The following GMDS variants were observed in gnomAD, a reference collection of about 807,000 sequenced individuals.
GMDS encodes the protein GDP-mannose 4,6 dehydratase.
A neutral mutation model predicts 49.9 loss-of-function variants in GMDS; 20 were observed. The observed-to-expected ratio is 0.40, with a 90% CI of 0.28 to 0.58. GMDS has a LOEUF of 0.58. Ranked by LOEUF, GMDS falls within the 20% of genes least tolerant of loss-of-function variation. The pLI is 0.42. For missense variants in GMDS, 362 were observed against 481.4 expected, an observed-to-expected ratio of 0.75 and a Z score of 2.32; for synonymous variants, 177 against 178.6, an observed-to-expected ratio of 0.99 and a Z score of 0.07.
intron 7 of GMDS, among the ~76,000 whole-genome samples, chr6:1,883,236 C>A (rs571434419): frequency 6.6e-6 from 1 of 151,952 alleles, no homozygotes; most frequent in African/African-American, 2.4e-5. Context: ...ACTAAAAATA[C>A]AAAAATTAGC....
intron 1 of GMDS, among the ~76,000 whole-genome samples, chr6:2,147,473 T>C (rs1776618446): frequency 6.6e-6 from 1 of 152,160 alleles, no homozygotes; most frequent in Non-Finnish European, 1.5e-5. Context: ...TCCAAAAGGA[T>C]ATTTTGATAA....
In GMDS at chr6:1,737,487, C is replaced by CCA. The variant is rs1250404858; in HGVS notation, c.890+4979_890+4980dup. On this transcript the variant is annotated intron_variant, in intron 8 of 10. Transcript: ENST00000380815. ...AAGAGCCCCAACAATGCAATGTGCT[C>CCA]CACACACACACAAACACACACACAC... 3.3e-5 allele frequency among the ~76,000 whole-genome samples: 5 copies of CCA among 151,116 alleles called. No individual in the cohort carries two copies. The South Asian group carries it at 1.0e-3, about 32-fold the overall frequency.
At chr6:2,035,042 A>G (rs569257713) in intron 4 of GMDS, among the ~76,000 whole-genome samples, 3 of 152,280 alleles carry the variant, frequency 2.0e-5, no homozygotes, top group South Asian at 4.2e-4. Flanking sequence ...TTCTTACCAC[A>G]TAAGAAAAAA....
intron 7 of GMDS, among the ~76,000 whole-genome samples, chr6:1,899,092 C>T (rs1489768604): frequency 6.6e-6 from 1 of 152,150 alleles, no homozygotes; most frequent in Non-Finnish European, 1.5e-5. Context: ...AGAAAGCTTC[C>T]TTTCTTCCTG....
At chr6:1,666,179 C>T (rs192455032) in intron 9 of GMDS, among the ~76,000 whole-genome samples, 11 of 152,246 alleles carry the variant, frequency 7.2e-5, no homozygotes, top group South Asian at 2.1e-4. Context: ...CAGCAAAGGC[C>T]GTGAGAGTCC....
At chr6:1,992,453 C>T (rs1291529554) in intron 4 of GMDS, among the ~76,000 whole-genome samples, 1 of 152,210 alleles carries the variant, frequency 6.6e-6, no homozygotes, top group East Asian at 1.9e-4. Flanking sequence ...CCTATTCACC[C>T]ACATCAGCGT....
chr6:2,190,406 G>T (rs1778960263), intron 1 of GMDS, among the ~76,000 whole-genome samples: 4 of 152,114 alleles, frequency 2.6e-5, no homozygotes, highest in Admixed American at 2.6e-4. Flanking sequence ...CAGTTATTCT[G>T]CTCTGTAAGT....
intron 9 of GMDS, among the ~76,000 whole-genome samples, chr6:1,684,226 A>T (rs916795130): frequency 7.2e-5 from 11 of 152,272 alleles, no homozygotes; most frequent in Admixed American, 3.3e-4. Context: ...AAACACCAGG[A>T]TGTGGGGCGG....
intron 7 of GMDS, among the ~76,000 whole-genome samples, chr6:1,928,694 C>T (rs898237922): frequency 3.3e-5 from 5 of 152,016 alleles, no homozygotes; most frequent in Non-Finnish European, 5.9e-5. Flanking sequence ...TTAGGCTGGG[C>T]ACGGTGGCTC....
chr6:2,015,913 T>A (rs1197873163), intron 4 of GMDS, among the ~76,000 whole-genome samples: 1 of 152,042 alleles, frequency 6.6e-6, no homozygotes. Context: ...CCTCAGTTTA[T>A]GGTTTTTTTC....
At chr6:2,121,196 C>T (rs907131155) in intron 2 of GMDS, among the ~76,000 whole-genome samples, 8 of 152,152 alleles carry the variant, frequency 5.3e-5, no homozygotes, top group African/African-American at 1.9e-4. Context: ...ACCACTTTGT[C>T]CACCCCTCTG....
intron 4 of GMDS, among the ~76,000 whole-genome samples, chr6:2,073,757 A>G (rs977575385): frequency 4.6e-5 from 7 of 152,198 alleles, no homozygotes; most frequent in Non-Finnish European, 7.3e-5. Context: ...CAGTGACAAC[A>G]TGTGGAATTT....
chr6:1,967,913 T>C (rs1008723765), intron 4 of GMDS, among the ~76,000 whole-genome samples: 10 of 152,180 alleles, frequency 6.6e-5, no homozygotes, highest in African/African-American at 2.4e-4. Flanking sequence ...ATTAGTCCTT[T>C]AAATGGGCTG....
At chr6:1,907,646 A>G (rs1760842124) in intron 7 of GMDS, among the ~76,000 whole-genome samples, 1 of 152,190 alleles carries the variant, frequency 6.6e-6, no homozygotes, top group African/African-American at 2.4e-5. Context: ...TCAGTGACAC[A>G]TTTAATGTTA....
At chr6:2,236,551 C>T (rs901023631) in intron 1 of GMDS, among the ~76,000 whole-genome samples, 8 of 152,126 alleles carry the variant, frequency 5.3e-5, no homozygotes, top group African/African-American at 1.9e-4. Flanking sequence ...ACAATAAACA[C>T]GTTTATCAAT....
Position 1,833,258 on chromosome 6 carries a change from A to C in GMDS, c.772-90672T>G, listed in dbSNP as rs1756760625. ...CCCGCTGGGCTTCAATGCCAAAACT[A>C]CACGTGTCAGTGACTTCCAGAGAAG... On this transcript the variant is annotated intron_variant, in intron 7 of 10. Coordinates refer to ENST00000380815, the MANE Select transcript of GMDS (RefSeq NM_001500.4). The surrounding 1 kb of genome is among the most constrained non-coding windows in gnomAD (Gnocchi z 4.4). Among the ~76,000 whole-genome samples, 1 of 151,380 alleles carries C rather than the reference A, an allele frequency of 6.6e-6. No homozygotes were observed. Among genetic ancestry groups the C allele is most frequent in the Non-Finnish European group, 1.5e-5 (1 of 67,960 alleles).
rs146200694 is a variant in GMDS at position 2,123,228 on chromosome 6, T to C, written c.147+1459A>G. Among the ~76,000 whole-genome samples, 314 of 152,326 alleles carry C rather than the reference T, an allele frequency of 2.1e-3. 1 individual carries two copies. The highest frequency in any genetic ancestry group is 5.1e-3 in the African/African-American group (212 of 41,576). On this transcript the variant is annotated intron_variant, in intron 2 of 10. Transcript: ENST00000380815. ...CTGGGTCCACCATCACTGCAGCGCA[T>C]AGCCGTGCTCCCTCCTCCTCTGGAC...
intron 7 of GMDS, among the ~76,000 whole-genome samples, chr6:1,757,263 C>A (rs1344684331): frequency 6.6e-6 from 1 of 152,162 alleles, no homozygotes; most frequent in Non-Finnish European, 1.5e-5. Context: ...TCACTCTAAT[C>A]TAACGAATGC....
At position 1,858,813 on chromosome 6, in the gene GMDS, C is replaced by T. The variant is rs77768599; in HGVS notation, c.771+71290G>A. On this transcript the variant is annotated intron_variant, in intron 7 of 10. Transcript: ENST00000380815. The stretch of plus-strand genomic sequence containing the variant: ...TGATCTTATGAGAACGTAATAAAAA[C>T]GACAATTTTTGTTTTTTCCTTACTG... 6.2e-3 allele frequency among the ~76,000 whole-genome samples: 949 copies of T among 152,206 alleles called. 9 individuals carry two copies. The highest frequency in any genetic ancestry group is 0.021 in the African/African-American group (859 of 41,536).
Sources: allele counts gnomAD v4.1 joint callset (sites outside exome capture counted in the v4.1 genomes callset), GRCh38; gene constraint gnomAD v4.1.1; non-coding constraint Gnocchi (gnomAD v3.1); transcripts MANE v1.5; gene names NCBI Gene and HGNC (gene_info 2026-07-23, HGNC 2026-07-21).